The following CDH12 variants were observed in gnomAD, a reference collection of about 807,000 sequenced individuals.
CDH12 encodes cadherin 12, also known as cadherin-12.
CDH12 carries 41 observed loss-of-function variants against 74.1 expected under a neutral mutation model. The ratio of observed to expected loss-of-function variants is 0.55; its 90% CI spans 0.43 to 0.72. The LOEUF (loss-of-function observed/expected upper bound fraction) is 0.72. CDH12 is among the 30% of genes least tolerant of loss of function. The pLI is 0.00. For missense variants in CDH12, 945 were observed against 977.2 expected, an observed-to-expected ratio of 0.97 and a Z score of 0.44; for synonymous variants, 399 against 355.0, an observed-to-expected ratio of 1.12 and a Z score of -1.39.
intron 3 of CDH12, among the ~76,000 whole-genome samples, chr5:22,310,579 T>C (rs1228797538): frequency 2.0e-5 from 3 of 152,178 alleles, no homozygotes; most frequent in Non-Finnish European, 4.4e-5. Context: ...CACTTTCCCT[T>C]TTAGCATTTT....
chr5:22,283,863 C>T (rs1365560797), intron 3 of CDH12, among the ~76,000 whole-genome samples: 6 of 152,054 alleles, frequency 3.9e-5, no homozygotes, highest in African/African-American at 1.4e-4. Context: ...ATTAAAACAT[C>T]ACATTTTGTA....
intron 1 of CDH12, among the ~76,000 whole-genome samples, chr5:22,809,960 C>T (rs1749054179): frequency 6.6e-6 from 1 of 152,130 alleles, no homozygotes; most frequent in Non-Finnish European, 1.5e-5. Flanking sequence ...TTAAACTTTA[C>T]ACCATTGTAT....
At chr5:22,232,204 A>T (rs931109089) in intron 3 of CDH12, among the ~76,000 whole-genome samples, 2 of 151,838 alleles carry the variant, frequency 1.3e-5, no homozygotes, top group African/African-American at 4.8e-5. Flanking sequence ...CTTAATAAAT[A>T]TATAAAAACA....
chr5:22,052,869 A>C (rs1333037100), intron 5 of CDH12, among the ~76,000 whole-genome samples: 1 of 152,104 alleles, frequency 6.6e-6, no homozygotes, highest in South Asian at 2.1e-4. Flanking sequence ...TTCCAAGAGG[A>C]TTTTCAGAGC....
At chr5:21,935,842 G>A (rs575536474) in intron 6 of CDH12, among the ~76,000 whole-genome samples, 3 of 152,270 alleles carry the variant, frequency 2.0e-5, no homozygotes, top group South Asian at 2.1e-4. Context: ...GAGAGCATCC[G>A]AAGTTTGTCT....
At chr5:22,204,254 G>C (rs7444344) in intron 4 of CDH12, among the ~76,000 whole-genome samples, 150,378 of 151,834 alleles carry the variant, frequency 0.99, 74,492 homozygotes, top group Middle Eastern at 1. Context: ...CTCCGCCTCG[G>C]GGTTCACGCC....
chr5:22,141,994 A>G (rs1746826870), intron 4 of CDH12, among the ~76,000 whole-genome samples: 1 of 152,178 alleles, frequency 6.6e-6, no homozygotes. Context: ...GTTTGGTTCC[A>G]GAATCTATTA....
chr5:21,802,131 C>T (rs765108060), intron 10 of CDH12, 36 bp downstream of exon 10: 2 of 1,580,902 alleles, frequency 1.3e-6, no homozygotes, highest in Non-Finnish European at 1.7e-6. Flanking sequence ...GTTTTGTTTT[C>T]CTGAAACATA....
At chr5:22,682,811 C>G (rs561902442) in intron 1 of CDH12, among the ~76,000 whole-genome samples, 2 of 151,792 alleles carry the variant, frequency 1.3e-5, no homozygotes, top group East Asian at 3.9e-4. Flanking sequence ...AAAAAAAAAG[C>G]AAAACAAAAC....
At chr5:22,492,680 T>G (rs1746931712) in intron 2 of CDH12, among the ~76,000 whole-genome samples, 1 of 152,162 alleles carries the variant, frequency 6.6e-6, no homozygotes, top group Admixed American at 6.5e-5. Flanking sequence ...CTTTTGTTTA[T>G]TCATTCCTCT....
intron 3 of CDH12, among the ~76,000 whole-genome samples, chr5:22,307,682 C>A (rs1738173127): frequency 6.6e-6 from 1 of 151,720 alleles, no homozygotes; most frequent in Non-Finnish European, 1.5e-5. Flanking sequence ...TATATTGAGG[C>A]CATTTAAGAT....
chr5:22,446,338 G>A (rs932176839), intron 2 of CDH12, among the ~76,000 whole-genome samples: 2 of 152,138 alleles, frequency 1.3e-5, no homozygotes, highest in East Asian at 1.9e-4. Flanking sequence ...AGTAGATGAC[G>A]TGCCAAGTTT....
chr5:22,429,897 GAGA>G (rs751609670), intron 2 of CDH12, among the ~76,000 whole-genome samples: 18 of 152,220 alleles, frequency 1.2e-4, no homozygotes, highest in African/African-American at 4.3e-4. Flanking sequence ...CTTTGAATGA[GAGA>G]AGAAGAATAC....
At chr5:22,244,515 AAAAAAAAAAAAAAAAAAAGAAGAAG>A (rs1752852358) in intron 3 of CDH12, among the ~76,000 whole-genome samples, 1 of 75,424 alleles carries the variant, frequency 1.3e-5, no homozygotes, top group African/African-American at 5.1e-5. Context: ...AAAAAAAAAA[AAAAAAAAAAAAAAAAAAAGAAGAAG>A]AAGAAGAAGA....
intron 5 of CDH12, among the ~76,000 whole-genome samples, chr5:21,985,116 G>C (rs1292550748): frequency 6.6e-6 from 1 of 152,106 alleles, no homozygotes; most frequent in East Asian, 1.9e-4. Context: ...ATTTGGATTA[G>C]TGTCTTTACT....
chr5:22,312,172 C>T (rs1247391620), intron 3 of CDH12, among the ~76,000 whole-genome samples: 8 of 151,642 alleles, frequency 5.3e-5, no homozygotes, highest in Non-Finnish European at 8.8e-5. Context: ...TTATACATTA[C>T]GATTAACAAA....
At chr5:22,150,200 T>C (rs935464866) in intron 4 of CDH12, among the ~76,000 whole-genome samples, 6 of 152,018 alleles carry the variant, frequency 3.9e-5, no homozygotes, top group Non-Finnish European at 8.8e-5. Flanking sequence ...CCCTTTCCAT[T>C]CTTTTGTGAA....
intron 2 of CDH12, among the ~76,000 whole-genome samples, chr5:22,486,643 G>T (rs1027310736): frequency 1.3e-5 from 2 of 151,772 alleles, no homozygotes; most frequent in African/African-American, 4.8e-5. Context: ...TGGTAGAGAT[G>T]GGGTTTCTCC....
At chr5:22,756,644 G>A (rs911697333) in intron 1 of CDH12, among the ~76,000 whole-genome samples, 3 of 152,034 alleles carry the variant, frequency 2.0e-5, no homozygotes, top group Admixed American at 6.6e-5. Flanking sequence ...AAAGACTATC[G>A]CTAAGTCTTT....
Sources: allele counts gnomAD v4.1 joint callset (sites outside exome capture counted in the v4.1 genomes callset), GRCh38; gene constraint gnomAD v4.1.1; transcripts MANE v1.5; gene names NCBI Gene and HGNC (gene_info 2026-07-23, HGNC 2026-07-21).